The following ZFP62 variants were observed in gnomAD, a reference collection of about 807,000 sequenced individuals.
ZFP62 encodes the protein ZFP62 zinc finger protein, also known as zinc finger protein 62 homolog.
ZFP62 carries 44 observed loss-of-function variants against 56.4 expected under a neutral mutation model. That is an observed-to-expected ratio of 0.78 (90% CI 0.61 to 1.00). The LOEUF is 1.00. Among genes scored for constraint, ZFP62 ranks in the 50% least tolerant of loss-of-function variants. ZFP62 has a pLI of 0.00. For missense variants in ZFP62, 1,030 were observed against 1,085.7 expected, an observed-to-expected ratio of 0.95 and a Z score of 0.72; for synonymous variants, 421 against 388.9, an observed-to-expected ratio of 1.08 and a Z score of -0.97.
At chr5:180,853,228 G>A (rs781769412) in intron 1 of ZFP62, among the ~76,000 whole-genome samples, 23 of 152,154 alleles carry the variant, frequency 1.5e-4, no homozygotes, top group South Asian at 4.1e-4. Flanking sequence ...TATACACAAC[G>A]GAGTACTGAA....
the ZFP62 span, among the ~76,000 whole-genome samples, chr5:180,838,301 G>C: frequency 3.3e-5 from 5 of 152,074 alleles, no homozygotes; most frequent in Admixed American, 6.6e-5. Flanking sequence ...AGGTGAAGAG[G>C]GGACCATGCA....
chr5:180,856,416 C>T (rs919367697), intron 1 of ZFP62, among the ~76,000 whole-genome samples: 1 of 152,116 alleles, frequency 6.6e-6, no homozygotes, highest in African/African-American at 2.4e-5. Flanking sequence ...AAAGACAATA[C>T]AAAGAATGTA....
chr5:180,838,471 C>T, the ZFP62 span, among the ~76,000 whole-genome samples: 1 of 152,152 alleles, frequency 6.6e-6, no homozygotes, highest in African/African-American at 2.4e-5. Flanking sequence ...CTCTAAAGGA[C>T]ATTAGGACAA....
intron 1 of ZFP62, among the ~76,000 whole-genome samples, chr5:180,857,478 G>T (rs1410611978): frequency 6.6e-6 from 1 of 152,092 alleles, no homozygotes; most frequent in African/African-American, 2.4e-5. Flanking sequence ...CGGCATTGTG[G>T]CTATGTTAGA....
chr5:180,838,721 T>A, the ZFP62 span, among the ~76,000 whole-genome samples: 4 of 152,188 alleles, frequency 2.6e-5, no homozygotes, highest in South Asian at 4.1e-4. Context: ...AAAATTTTTT[T>A]AAAAAGAGCA....
Position 180,850,379 on chromosome 5 carries a change from C to T in ZFP62, c.1116G>A (p.Lys372=), listed in dbSNP as rs1467814349. 6.4e-7 allele frequency: 1 copy of T among 1,564,592 alleles called. No individual in the cohort carries two copies. Among genetic ancestry groups the T allele is most frequent in the East Asian group, 2.4e-5 (1 of 42,024 alleles). ...EKPYECDECG[K]AFRNSSGLIV... ...TGAGGCCTGAGCTGTTCCTGAAAGC[C>T]TTCCCACATTCATCACATTCATAAG... The change falls in exon 2 of 2, where the codon AAG becomes AAA. Residue 372 remains lysine, a synonymous_variant. Coordinates refer to ENST00000502412, the MANE Select transcript of ZFP62 (RefSeq NM_001172638.2).
chr5:180,830,501 C>T, the ZFP62 span: 1 of 152,486 alleles, frequency 6.6e-6, no homozygotes, highest in Non-Finnish European at 1.5e-5. Context: ...CGTGGCAGCC[C>T]TGGGCCTCCA....
intron 1 of ZFP62, among the ~76,000 whole-genome samples, chr5:180,856,039 A>AGTGG (rs760221180): frequency 3.9e-5 from 6 of 152,154 alleles, no homozygotes; most frequent in Non-Finnish European, 5.9e-5. Flanking sequence ...TTCTTTGACA[A>AGTGG]GTGGATTATT....
At chr5:180,851,612 C>T in intron 1 of ZFP62, 119 bp from the exon 2 acceptor site, 1 of 1,178,658 alleles carries the variant, frequency 8.5e-7, no homozygotes, top group Admixed American at 2.9e-5. Flanking sequence ...TACTGTGTGA[C>T]AGGTACCATG....
the ZFP62 span, among the ~76,000 whole-genome samples, chr5:180,836,162 T>C: frequency 4.6e-5 from 7 of 152,248 alleles, no homozygotes; most frequent in African/African-American, 1.7e-4. Flanking sequence ...CCCTCTATGA[T>C]GTTCACACAA....
At chr5:180,829,642 G>A in the ZFP62 span, among the ~76,000 whole-genome samples, 1 of 152,186 alleles carries the variant, frequency 6.6e-6, no homozygotes, top group East Asian at 1.9e-4. Context: ...ATTTTTATCT[G>A]AAAAATAAGT....
chr5:180,827,816 C>T, the ZFP62 span, among the ~76,000 whole-genome samples: 7,514 of 152,286 alleles, frequency 0.049, 572 homozygotes, highest in African/African-American at 0.16. Context: ...AATTTACGTT[C>T]CATCTACTGA....
At chr5:180,840,796 TG>T in the ZFP62 span, among the ~76,000 whole-genome samples, 1 of 148,240 alleles carries the variant, frequency 6.7e-6, no homozygotes, top group African/African-American at 2.6e-5. Flanking sequence ...AATTTGTGTG[TG>T]TGTGTGTGTG....
chr5:180,841,524 G>C, the ZFP62 span, among the ~76,000 whole-genome samples: 2 of 152,040 alleles, frequency 1.3e-5, no homozygotes, highest in South Asian at 2.1e-4. Flanking sequence ...GTAGAAAATT[G>C]TAAGGCCCAG....
chr5:180,845,828 C>T (rs570341986), downstream of ZFP62: 180 of 985,338 alleles, frequency 1.8e-4, no homozygotes, highest in Non-Finnish European at 1.9e-4. Flanking sequence ...AATTCCCCTG[C>T]ATTGCAGGAT....
chr5:180,845,694 G>A (rs1363491346), downstream of ZFP62: 6 of 985,042 alleles, frequency 6.1e-6, no homozygotes, highest in Non-Finnish European at 7.2e-6. Flanking sequence ...GGGTACAGCT[G>A]TGGCCAATTA....
At chr5:180,854,995 G>C (rs1353429556) in intron 1 of ZFP62, among the ~76,000 whole-genome samples, 1 of 152,182 alleles carries the variant, frequency 6.6e-6, no homozygotes, top group African/African-American at 2.4e-5. Context: ...GGTAAAAGCA[G>C]TATCAACTTC....
chr5:180,851,667 T>C (rs1415400149), intron 1 of ZFP62, among the ~76,000 whole-genome samples, 174 bp from the exon 2 acceptor site: 1 of 152,186 alleles, frequency 6.6e-6, no homozygotes, highest in East Asian at 1.9e-4. Context: ...ACAATGAATA[T>C]GACAAAATTT....
chr5:180,849,774 G>A lies in ZFP62; in HGVS notation c.1721C>T (p.Ser574Leu), dbSNP rs989168557. Residue 574 changes from serine to leucine, a missense_variant, in exon 2 of 2, where the codon TCG becomes TTG. Transcript: ENST00000502412. ...TACACTTTTATGATTTATAAGGCTC[G>A]AGAGAGAGATGTATGCTTTCCCACA... ...EECGKAYISL[S>L]SLINHKSVHP... The A allele has an allele frequency of 5.8e-6, 9 of 1,551,568 alleles. No individual in the cohort carries two copies. The highest frequency in any genetic ancestry group is 1.4e-5 in the African/African-American group (1 of 73,036).
Sources: allele counts gnomAD v4.1 joint callset (sites outside exome capture counted in the v4.1 genomes callset), GRCh38; gene constraint gnomAD v4.1.1; transcripts MANE v1.5; gene names NCBI Gene and HGNC (gene_info 2026-07-23, HGNC 2026-07-21).